ORC5: variants seen among roughly 807,000 people sequenced by gnomAD.
The protein encoded by ORC5 is protein phosphatase 1, regulatory subunit 117.
In ORC5, 39 loss-of-function variants were observed where a neutral mutation model predicts 58.8. The observed-to-expected ratio is 0.66, with a 90% confidence interval of 0.51 to 0.87. The LOEUF is 0.87. ORC5 is among the 40% of genes least tolerant of loss of function. The probability of loss-of-function intolerance (pLI) is 0.00; values close to 1 mark genes in which losing one functional copy is unlikely to be tolerated. For missense variants in ORC5, 493 were observed against 506.3 expected, an observed-to-expected ratio of 0.97 and a Z score of 0.25; for synonymous variants, 218 against 177.6, an observed-to-expected ratio of 1.23 and a Z score of -1.81.
At chr7:104,132,959 T>G (rs1322559247) in intron 13 of ORC5, among the ~76,000 whole-genome samples, 2 of 151,928 alleles carry the variant, frequency 1.3e-5, no homozygotes, top group Admixed American at 6.6e-5. Context: ...AGCTGGAAAA[T>G]GCTGTATATA....
Position 104,197,783 on chromosome 7 carries a change from T to A in ORC5, c.383A>T (p.Glu128Val). 1 of 1,582,920 alleles carries A rather than the reference T, an allele frequency of 6.3e-7. No homozygotes were observed. The highest frequency in any genetic ancestry group is 8.6e-7 in the Non-Finnish European group (1 of 1,165,584). ...ATTTGCTTCCATATCTCTTAGATAC[T>A]CTGCTTTATCTAGAACCTTTAAAAA... is the stretch of plus-strand genomic sequence containing the variant. Reference protein sequence around the residue: ...QTVYIVLDKAEYLRDMEANLL... With the variant: ...QTVYIVLDKAVYLRDMEANLL... The change falls in exon 4 of 14, where the codon GAG becomes GTG. Residue 128 changes from glutamate (E) to valine (V), a missense_variant. Glu to Val is a moderately radical substitution (Grantham distance 121). This residue lies in a region of ORC5 where 412 missense variants were observed against 403.7 expected (regional missense o/e 1.02). Transcript: ENST00000297431.
Position 104,183,810 on chromosome 7 carries a change from T to C in ORC5, c.824+133A>G, listed in dbSNP as rs1799484397. On this transcript the variant is annotated intron_variant, in intron 8 of 13. Coordinates refer to ENST00000297431, the MANE Select transcript of ORC5 (RefSeq NM_002553.4). Reference sequence around the variant, plus strand: ...TGCAGAGTTTACTACAGCATGTGCTTTCCCATTGCAATGCCAATCCTCAAA... The same window carrying C: ...TGCAGAGTTTACTACAGCATGTGCTCTCCCATTGCAATGCCAATCCTCAAA... The C allele has an allele frequency of 9.6e-6, 6 of 623,634 alleles. No homozygotes were observed. The South Asian group carries it at 1.4e-4, about 14-fold the overall frequency. The allele number at this position is 623,634 out of a possible 1,614,324, so 38.6% of individuals were successfully genotyped here. A position where few individuals can be genotyped will look rare whatever the true frequency, so the allele number is the denominator to read the frequency against.
chr7:104,167,601 T>G (rs1241007649), intron 9 of ORC5, among the ~76,000 whole-genome samples: 1 of 152,190 alleles, frequency 6.6e-6, no homozygotes, highest in Non-Finnish European at 1.5e-5. Context: ...ATTAAAACAG[T>G]AGGGTCATTC....
chr7:104,130,696 G>A (rs1798499790), intron 13 of ORC5, among the ~76,000 whole-genome samples: 1 of 152,080 alleles, frequency 6.6e-6, no homozygotes, highest in African/African-American at 2.4e-5. Context: ...ATCACACTCA[G>A]AAATGCTCTA....
intron 5 of ORC5, among the ~76,000 whole-genome samples, chr7:104,189,790 G>A (rs371964468): frequency 6.6e-6 from 1 of 152,160 alleles, no homozygotes; most frequent in African/African-American, 2.4e-5. Flanking sequence ...GATAAATGGA[G>A]TAAGTACAGT....
chr7:104,155,339 A>G (rs1230181427), intron 12 of ORC5, among the ~76,000 whole-genome samples: 1 of 151,672 alleles, frequency 6.6e-6, no homozygotes, highest in African/African-American at 2.4e-5. Flanking sequence ...ATTTTTTATT[A>G]TGTACAACTA....
chr7:104,177,933 G>C (rs985732910), intron 8 of ORC5, among the ~76,000 whole-genome samples: 9 of 152,174 alleles, frequency 5.9e-5, no homozygotes, highest in Non-Finnish European at 7.4e-5. Context: ...GTATTCCATG[G>C]TGTTTATGTG....
At chr7:104,192,868 A>G (rs2116037070) in intron 5 of ORC5, among the ~76,000 whole-genome samples, 1 of 151,862 alleles carries the variant, frequency 6.6e-6, no homozygotes, top group African/African-American at 2.4e-5. Flanking sequence ...CACTTGTTAA[A>G]AAAAAAAAAA....
At chr7:104,151,225 A>G (rs1200171316) in intron 12 of ORC5, among the ~76,000 whole-genome samples, 1 of 152,164 alleles carries the variant, frequency 6.6e-6, no homozygotes, top group Non-Finnish European at 1.5e-5. Context: ...GTATAACCAG[A>G]AAAGAAAGAC....
At chr7:104,197,990 G>C (rs1799842781) in intron 3 of ORC5, among the ~76,000 whole-genome samples, 191 bp from the exon 4 acceptor site, 1 of 152,240 alleles carries the variant, frequency 6.6e-6, no homozygotes, top group African/African-American at 2.4e-5. Context: ...AATTAATATT[G>C]TTATCAAGGG....
At chr7:104,157,852 A>G (rs1025645875) in intron 12 of ORC5, among the ~76,000 whole-genome samples, 11 of 152,132 alleles carry the variant, frequency 7.2e-5, no homozygotes, top group Non-Finnish European at 1.6e-4. Flanking sequence ...GACAACTACC[A>G]CTACAATATA....
intron 8 of ORC5, among the ~76,000 whole-genome samples, chr7:104,177,403 G>A (rs994335563): frequency 6.6e-6 from 1 of 151,876 alleles, no homozygotes; most frequent in Non-Finnish European, 1.5e-5. Context: ...TTACAAAATT[G>A]CTCATATCTA....
At chr7:104,168,412 G>T in intron 9 of ORC5, 61 bp downstream of exon 9, 1 of 1,582,660 alleles carries the variant, frequency 6.3e-7, no homozygotes, top group South Asian at 1.2e-5. Context: ...ATTAACTTTA[G>T]TATCTTGATA....
At chr7:104,196,752 CAAAG>C (rs1237998164) in intron 4 of ORC5, among the ~76,000 whole-genome samples, 1 of 152,088 alleles carries the variant, frequency 6.6e-6, no homozygotes, top group African/African-American at 2.4e-5. Context: ...TGCTTATACT[CAAAG>C]CACTTACAAA....
At position 104,200,967 on chromosome 7, in the gene ORC5, G is replaced by A. The variant is rs201566534; in HGVS notation, c.166-9C>T. On this transcript the variant is annotated splice_polypyrimidine_tract_variant and intron_variant, in intron 2 of 13. Coordinates refer to ENST00000297431, the MANE Select transcript of ORC5 (RefSeq NM_002553.4). ...ACAAACACATGTGGGAGCTGAAAAC[G>A]AAAACCAAAACACTGTAAGTAAAGA... 7.0e-5 allele frequency: 113 copies of A among 1,607,658 alleles called. No homozygotes were observed. The African/African-American group carries it at 1.0e-3, about 14-fold the overall frequency.
At chr7:104,204,861 T>C (rs1800035568) in intron 1 of ORC5, among the ~76,000 whole-genome samples, 1 of 152,142 alleles carries the variant, frequency 6.6e-6, no homozygotes, top group Non-Finnish European at 1.5e-5. Flanking sequence ...GTTAGCAGCT[T>C]AGAGAAAAGT....
At chr7:104,144,151 A>G (rs904940249) in intron 12 of ORC5, among the ~76,000 whole-genome samples, 4 of 152,108 alleles carry the variant, frequency 2.6e-5, no homozygotes, top group Non-Finnish European at 4.4e-5. Flanking sequence ...AAAGGAGTGA[A>G]CAAATGTACC....
At position 104,161,095 on chromosome 7, in the gene ORC5, G is replaced by T; in HGVS notation, c.1126C>A (p.Pro376Thr). ...LYSIVDSRVA[P>T]TANIFSQITS... Reference sequence around the variant, plus strand: ...ACCTGGGAAAAAATATTTGCTGTTGGAGCAACTCTGCTGTCCACGATACTA... The same window carrying T: ...ACCTGGGAAAAAATATTTGCTGTTGTAGCAACTCTGCTGTCCACGATACTA... Residue 376 changes from proline (P) to threonine (T), a missense_variant, in exon 12 of 14, where the codon CCA becomes ACA. Transcript: ENST00000297431. 1 of 1,593,150 alleles carries T rather than the reference G, an allele frequency of 6.3e-7. No individual in the cohort carries two copies. Among genetic ancestry groups the T allele is most frequent in the South Asian group, 1.1e-5 (1 of 90,402 alleles).
intron 12 of ORC5, among the ~76,000 whole-genome samples, chr7:104,155,689 T>TG (rs140000559): frequency 0.13 from 19,369 of 151,412 alleles, 1,555 homozygotes; most frequent in East Asian, 0.19. Context: ...TTTTATTCTC[T>TG]GGGAAAAAAA....
Sources: allele counts gnomAD v4.1 joint callset (sites outside exome capture counted in the v4.1 genomes callset), GRCh38; gene constraint gnomAD v4.1.1; regional missense constraint gnomAD v4.1.1; transcripts MANE v1.5; gene names NCBI Gene and HGNC (gene_info 2026-07-23, HGNC 2026-07-21).